EDARADD: variants seen among roughly 807,000 people sequenced by gnomAD.
EDARADD encodes the protein ectodysplasin-A receptor-associated adapter protein.
In EDARADD, 20 loss-of-function variants were observed where a neutral mutation model predicts 25.6. The ratio of observed to expected loss-of-function variants is 0.78; its 90% CI spans 0.55 to 1.14. EDARADD has a LOEUF of 1.14. Ranked by LOEUF, EDARADD falls within the 50% of genes most tolerant of loss-of-function variation. The pLI, the probability that EDARADD is intolerant of heterozygous loss-of-function variation, is 0.00. For synonymous variants in EDARADD, 86 were observed against 94.4 expected, an observed-to-expected ratio of 0.91 and a Z score of 0.52; for missense variants, 225 against 270.1, an observed-to-expected ratio of 0.83 and a Z score of 1.17.
At chr1:236,367,741 C>T (rs1285396834) in intron 3 of EDARADD, among the ~76,000 whole-genome samples, 2 of 152,162 alleles carry the variant, frequency 1.3e-5, no homozygotes, top group Admixed American at 6.5e-5. Flanking sequence ...AAGGGACCTA[C>T]TCAGACACAG....
At chr1:236,429,356 G>A (rs555739684) in intron 4 of EDARADD, among the ~76,000 whole-genome samples, 19 of 150,888 alleles carry the variant, frequency 1.3e-4, no homozygotes, top group East Asian at 2.0e-4. Context: ...ACAGGTGCGC[G>A]CCACCATGCC....
intron 3 of EDARADD, among the ~76,000 whole-genome samples, chr1:236,414,884 A>T (rs2103010654): frequency 1.3e-5 from 2 of 152,250 alleles, no homozygotes; most frequent in East Asian, 3.9e-4. Flanking sequence ...AGAAAAAAAA[A>T]GTGGGAACTT....
rs1289204145 is a variant in EDARADD, at chr1:236,405,093, C to CA, written c.62-4114dup. Among the ~76,000 whole-genome samples, 40 of 150,774 alleles carry CA rather than the reference C, an allele frequency of 2.7e-4. 1 individual carries two copies. In the East Asian group the frequency reaches 7.4e-3, roughly 28 times the overall value. ...TGGGCGACAGAGTGAGACTCCATCT[C>CA]AAAAAAAAATTAAGTAATTAATTTT... On this transcript the variant is annotated intron_variant, in intron 1 of 5. Transcript: ENST00000334232.
rs1490210534 is a variant in EDARADD at position 236,447,224 on chromosome 1, CCTTTCTTTCCTTT to C, written c.219+19780_219+19792del. ...TCTTTCTTTCTTTCTTTCTTTCTTT[CCTTTCTTTCCTTT>C]CTTTCCTTTCTTTCCTTTCTTTCTT... On this transcript the variant is annotated intron_variant, in intron 4 of 5. Transcript: ENST00000334232. Among the ~76,000 whole-genome samples the C allele has an allele frequency of 2.0e-3, 78 of 38,544 alleles. 2 individuals carry two copies. Among genetic ancestry groups the C allele is most frequent in the Middle Eastern group, 0.011 (1 of 90 alleles). The allele number at this position is 38,544 out of a possible 152,430, so 25.3% of individuals were successfully genotyped here.
chr1:236,480,651 G>A (rs949867766), intron 5 of EDARADD, among the ~76,000 whole-genome samples: 2 of 152,110 alleles, frequency 1.3e-5, no homozygotes, highest in Admixed American at 6.6e-5. Context: ...CCAAGCCAGT[G>A]GTCTCTAAAG....
chr1:236,482,114 C>CAAAA (rs374553103), intron 5 of EDARADD, among the ~76,000 whole-genome samples, 153 bp from the exon 6 acceptor site: 2 of 73,328 alleles, frequency 2.7e-5, no homozygotes. Flanking sequence ...GACTCCATCT[C>CAAAA]AAAAAAAAAA....
intron 3 of EDARADD, among the ~76,000 whole-genome samples, chr1:236,414,912 T>C (rs949440085): frequency 1.3e-5 from 2 of 152,164 alleles, no homozygotes; most frequent in African/African-American, 4.8e-5. Context: ...TTGGGGTCTT[T>C]GGGCCCTGCT....
chr1:236,353,358 G>A (rs1666939156), intron 3 of EDARADD, among the ~76,000 whole-genome samples: 1 of 152,132 alleles, frequency 6.6e-6, no homozygotes, highest in African/African-American at 2.4e-5. Context: ...TGTGCATGAG[G>A]TGACTGCTTA....
upstream of EDARADD, among the ~76,000 whole-genome samples, chr1:236,390,723 C>T (rs1338151236): frequency 6.6e-6 from 1 of 152,150 alleles, no homozygotes; most frequent in Non-Finnish European, 1.5e-5. Flanking sequence ...TCTCTCCTAG[C>T]TCTGTTCCAT....
intron 4 of EDARADD, among the ~76,000 whole-genome samples, chr1:236,447,578 A>C (rs16833686): frequency 0.072 from 10,884 of 152,114 alleles, 709 homozygotes; most frequent in African/African-American, 0.17. Flanking sequence ...TGCACATAGA[A>C]AGTGCTTCAA....
At chr1:236,389,925 C>A (rs1408100002), upstream of EDARADD, among the ~76,000 whole-genome samples, 1 of 152,118 alleles carries the variant, frequency 6.6e-6, no homozygotes, top group Non-Finnish European at 1.5e-5. Context: ...GGAGGGACTG[C>A]TTGAACCTCA....
intron 5 of EDARADD, among the ~76,000 whole-genome samples, chr1:236,478,204 G>A (rs1659562199): frequency 6.6e-6 from 1 of 152,054 alleles, no homozygotes; most frequent in African/African-American, 2.4e-5. Context: ...AGCCTTAGAA[G>A]GCTCATGCTT....
At chr1:236,426,977 G>A (rs1185589097) in intron 3 of EDARADD, among the ~76,000 whole-genome samples, 2 of 152,036 alleles carry the variant, frequency 1.3e-5, no homozygotes, top group East Asian at 3.9e-4. Context: ...TGTCTCCTGA[G>A]TTCAAGTGAT....
At chr1:236,448,333 C>A (rs1434201341) in intron 4 of EDARADD, among the ~76,000 whole-genome samples, 1 of 152,220 alleles carries the variant, frequency 6.6e-6, no homozygotes, top group Non-Finnish European at 1.5e-5. Context: ...CTGCTGAACT[C>A]TTCATGTGGT....
chr1:236,460,666 C>T (rs1251852865), intron 4 of EDARADD, among the ~76,000 whole-genome samples: 2 of 152,132 alleles, frequency 1.3e-5, no homozygotes, highest in Non-Finnish European at 2.9e-5. Flanking sequence ...AAAAACCCAA[C>T]AGGAGATTCA....
intron 2 of EDARADD, chr1:236,350,647 G>A (rs1666905253): frequency 6.6e-6 from 1 of 152,130 alleles, no homozygotes; most frequent in Admixed American, 6.6e-5. Context: ...GAAAGTATTA[G>A]TAGAAGCTGA....
intron 4 of EDARADD, among the ~76,000 whole-genome samples, chr1:236,447,208 CTTT>C (rs1658576946): frequency 2.8e-5 from 1 of 35,930 alleles, no homozygotes; most frequent in Non-Finnish European, 7.7e-5. Context: ...TTCTTTCTTT[CTTT>C]CTTTCTTTCT....
At chr1:236,411,919 T>C (rs1657498123) in intron 2 of EDARADD, among the ~76,000 whole-genome samples, 1 of 152,174 alleles carries the variant, frequency 6.6e-6, no homozygotes, top group Non-Finnish European at 1.5e-5. Context: ...ACTTAACTAA[T>C]TACCTCTACA....
At position 236,452,356 on chromosome 1, in the gene EDARADD, A is replaced by C. The variant is rs114505584; in HGVS notation, c.220-15875A>C. Among the ~76,000 whole-genome samples the C allele has an allele frequency of 4.4e-3, 676 of 152,252 alleles. 8 individuals are homozygous for C. The highest frequency in any genetic ancestry group is 0.016 in the African/African-American group (645 of 41,544). On this transcript the variant is annotated intron_variant, in intron 4 of 5. Coordinates refer to ENST00000334232, the MANE Select transcript of EDARADD (RefSeq NM_145861.4). ...GGCTCTGTGTCCCCACCCAAGTCTC[A>C]TCTCAAACTGTAATCCCCATGTGTC...
Sources: gnomAD v4.1 joint callset for allele counts (sites outside exome capture counted in the v4.1 genomes callset) on GRCh38, gnomAD v4.1.1 for gene constraint, MANE v1.5 for transcripts, NCBI Gene and HGNC (gene_info 2026-07-23, HGNC 2026-07-21) for gene names.